Variants in FAR2 observed in about 807,000 individuals in gnomAD.
The protein encoded by FAR2 is fatty acyl-CoA reductase 2, also known as epididymis secretory protein Li 81.
In FAR2, 19 loss-of-function variants were observed where a neutral mutation model predicts 56.0. That is an observed-to-expected ratio of 0.34 (90% CI 0.24 to 0.50). The LOEUF (loss-of-function observed/expected upper bound fraction) is 0.50. FAR2 is among the 20% of genes least tolerant of loss of function. The pLI is 0.98. For synonymous variants in FAR2, 219 were observed against 218.8 expected, an observed-to-expected ratio of 1.00 and a Z score of -0.01; for missense variants, 508 against 642.2, an observed-to-expected ratio of 0.79 and a Z score of 2.26.
chr12:29,213,689 CAAA>C (rs34410137), intron 1 of FAR2, among the ~76,000 whole-genome samples: 5 of 130,726 alleles, frequency 3.8e-5, no homozygotes, highest in Non-Finnish European at 3.2e-5. Context: ...GACTCTGTCT[CAAA>C]AAAAAAAAAA....
chr12:29,243,761 T>G (rs909776603), intron 1 of FAR2, among the ~76,000 whole-genome samples: 2 of 152,204 alleles, frequency 1.3e-5, no homozygotes, highest in Non-Finnish European at 2.9e-5. Flanking sequence ...TAGGAACTGT[T>G]AAAGTCCAAA....
chr12:29,274,622 G>C (rs1436505490), intron 2 of FAR2, among the ~76,000 whole-genome samples: 1 of 151,942 alleles, frequency 6.6e-6, no homozygotes, highest in Non-Finnish European at 1.5e-5. Context: ...CCAGCTGGCC[G>C]GTTCCTGCCT....
At chr12:29,210,065 G>A (rs775566082) in intron 1 of FAR2, among the ~76,000 whole-genome samples, 23 of 151,978 alleles carry the variant, frequency 1.5e-4, no homozygotes, top group Middle Eastern at 3.2e-3. Flanking sequence ...ATAATCAACC[G>A]GGTGTGGTGG....
intron 1 of FAR2, among the ~76,000 whole-genome samples, chr12:29,233,077 C>G (rs145207666): frequency 4.9e-4 from 75 of 152,266 alleles, no homozygotes; most frequent in Non-Finnish European, 1.9e-4. Flanking sequence ...TATCAGTCCC[C>G]TCTTGGCTTC....
intron 1 of FAR2, among the ~76,000 whole-genome samples, chr12:29,205,075 C>G (rs1194031112): frequency 1.3e-5 from 2 of 152,148 alleles, no homozygotes; most frequent in Non-Finnish European, 1.5e-5. Context: ...TTTATGATAT[C>G]AAAATAATTA....
At chr12:29,309,270 T>C (rs372061763) in intron 6 of FAR2, 40 bp downstream of exon 6, 114 of 1,470,022 alleles carry the variant, frequency 7.8e-5, no homozygotes, top group Non-Finnish European at 1.1e-4. Context: ...TGAAATGTAG[T>C]AGAGAAATAG....
chr12:29,215,122 T>G (rs1215226008), intron 1 of FAR2, among the ~76,000 whole-genome samples: 1 of 152,140 alleles, frequency 6.6e-6, no homozygotes, highest in Non-Finnish European at 1.5e-5. Context: ...TACAGTGTAG[T>G]CATGAGAGAG....
chr12:29,302,588 T>C (rs796545520), intron 4 of FAR2, among the ~76,000 whole-genome samples: 14 of 152,184 alleles, frequency 9.2e-5, no homozygotes, highest in African/African-American at 3.4e-4. Context: ...TGTGGAGATT[T>C]TGCATACCAT....
intron 1 of FAR2, among the ~76,000 whole-genome samples, chr12:29,186,934 G>A (rs1290424254): frequency 1.1e-4 from 17 of 151,994 alleles, no homozygotes; most frequent in African/African-American, 4.1e-4. Flanking sequence ...GACTACAGGC[G>A]CCCGCCACCA....
chr12:29,293,325 G>T lies in FAR2; in HGVS notation c.215G>T (p.Cys72Phe). The change falls in exon 3 of 12, where the codon TGT (cysteine) becomes TTT (phenylalanine). Residue 72 changes from cysteine (C) to phenylalanine (F), a missense_variant. Cys to Phe is a radical substitution (Grantham distance 205, BLOSUM62 -2). Transcript: ENST00000536681. ...SKLFEKVKEV[C>F]PNVHEKIRAI... The stretch of plus-strand genomic sequence containing the variant: ...CTATTTGAGAAAGTCAAAGAAGTTT[G>T]TCCAAATGTGCATGAGAAGATCAGA... 1 of 1,589,958 alleles carries T rather than the reference G, an allele frequency of 6.3e-7. No individual in the cohort carries two copies. The highest frequency in any genetic ancestry group is 1.8e-5 in the Admixed American group (1 of 54,388).
At chr12:29,214,929 A>T (rs1947603700) in intron 1 of FAR2, among the ~76,000 whole-genome samples, 1 of 152,156 alleles carries the variant, frequency 6.6e-6, no homozygotes, top group African/African-American at 2.4e-5. Context: ...GGGTGGCTAG[A>T]GAAAGGTGAG....
intron 10 of FAR2, among the ~76,000 whole-genome samples, chr12:29,328,353 C>T (rs980999957): frequency 6.6e-6 from 1 of 152,168 alleles, no homozygotes; most frequent in African/African-American, 2.4e-5. Flanking sequence ...GTGGCGATTC[C>T]TCAGGGATCT....
intron 4 of FAR2, among the ~76,000 whole-genome samples, chr12:29,307,191 T>C (rs2136781075): frequency 6.6e-6 from 1 of 152,296 alleles, no homozygotes; most frequent in South Asian, 2.1e-4. Flanking sequence ...ATGAGTGTAC[T>C]TATGAGCTTG....
chr12:29,310,683 C>T (rs1172448272), intron 6 of FAR2, among the ~76,000 whole-genome samples: 1 of 151,930 alleles, frequency 6.6e-6, no homozygotes, highest in Non-Finnish European at 1.5e-5. Flanking sequence ...TTTGTATAAC[C>T]TTAATTCTTA....
chr12:29,209,692 C>CTCTGTG (rs1555109039), intron 1 of FAR2, among the ~76,000 whole-genome samples: 211 of 149,190 alleles, frequency 1.4e-3, no homozygotes, highest in Non-Finnish European at 2.6e-3. Context: ...GATGTCTGCT[C>CTCTGTG]TGTGTGTGTG....
intron 3 of FAR2, among the ~76,000 whole-genome samples, chr12:29,296,014 C>T (rs537897388): frequency 6.6e-6 from 1 of 151,186 alleles, no homozygotes; most frequent in Non-Finnish European, 1.5e-5. Flanking sequence ...ATGATCCACC[C>T]GCCTCGGCCT....
In FAR2 at chr12:29,174,584, C is replaced by G. The variant is rs577051279; in HGVS notation, c.-39+25177C>G. Among the ~76,000 whole-genome samples the G allele has an allele frequency of 8.2e-4, 124 of 150,506 alleles. 1 individual carries two copies. Among genetic ancestry groups the G allele is most frequent in the African/African-American group, 2.9e-3 (118 of 40,150 alleles). On this transcript the variant is annotated intron_variant, in intron 1 of 11. Transcript: ENST00000536681. The stretch of plus-strand genomic sequence containing the variant: ...TACAGGGGCCCACCACCACGCCCGG[C>G]TAATTTTTTGTATTTTTAGTAGAGA...
At chr12:29,224,506 C>T (rs537952157) in intron 1 of FAR2, among the ~76,000 whole-genome samples, 1 of 152,272 alleles carries the variant, frequency 6.6e-6, no homozygotes, top group South Asian at 2.1e-4. Context: ...AAACACAAAA[C>T]TTAATTTTTG....
At chr12:29,286,223 A>C (rs1368829502) in intron 2 of FAR2, among the ~76,000 whole-genome samples, 2 of 152,174 alleles carry the variant, frequency 1.3e-5, no homozygotes, top group African/African-American at 4.8e-5. Context: ...TCTGACTTTC[A>C]TTACACGAAT....
Sources: allele counts gnomAD v4.1 joint callset (sites outside exome capture counted in the v4.1 genomes callset), GRCh38; gene constraint gnomAD v4.1.1; transcripts MANE v1.5; gene names NCBI Gene and HGNC (gene_info 2026-07-23, HGNC 2026-07-21).